Variants in NKAIN3 observed in about 807,000 individuals in gnomAD.
The protein encoded by NKAIN3 is sodium/potassium transporting ATPase interacting 3.
In NKAIN3, 25 loss-of-function variants were observed where a neutral mutation model predicts 30.2. The ratio of observed to expected loss-of-function variants is 0.83; its 90% CI spans 0.60 to 1.16. The LOEUF (loss-of-function observed/expected upper bound fraction) is 1.16, where lower values mean the gene tolerates loss of function less well. Among genes scored for constraint, NKAIN3 ranks in the 50% most tolerant of loss-of-function variants. NKAIN3 has a pLI of 0.00. For synonymous variants in NKAIN3, 91 were observed against 89.6 expected (o/e 1.02, Z -0.09); for missense variants, 225 against 254.1 (o/e 0.89, Z 0.78).
chr8:62,533,938 T>C (rs1193616773), intron 1 of NKAIN3, among the ~76,000 whole-genome samples: 1 of 152,162 alleles, frequency 6.6e-6, no homozygotes, highest in Non-Finnish European at 1.5e-5. Flanking sequence ...AACTGGAATA[T>C]GAGGGAGAAT....
At chr8:62,263,996 T>G (rs1223662256) in intron 1 of NKAIN3, among the ~76,000 whole-genome samples, 1 of 152,208 alleles carries the variant, frequency 6.6e-6, no homozygotes, top group Non-Finnish European at 1.5e-5. Context: ...TGCCTAAATA[T>G]AGGCTAATTG....
At chr8:62,874,753 A>C (rs937251211) in intron 4 of NKAIN3, among the ~76,000 whole-genome samples, 19 of 152,244 alleles carry the variant, frequency 1.2e-4, no homozygotes, top group South Asian at 2.1e-4. Context: ...AAGGCCTTTG[A>C]TAAAATTCAA....
At chr8:62,319,716 T>A (rs1182172378) in intron 1 of NKAIN3, among the ~76,000 whole-genome samples, 1 of 152,190 alleles carries the variant, frequency 6.6e-6, no homozygotes, top group Non-Finnish European at 1.5e-5. Flanking sequence ...ATAATTTCTG[T>A]TCTTTCACAT....
intron 3 of NKAIN3, among the ~76,000 whole-genome samples, chr8:62,654,601 A>G (rs1812714578): frequency 6.6e-6 from 1 of 152,202 alleles, no homozygotes; most frequent in Non-Finnish European, 1.5e-5. Context: ...CACAGTAGCT[A>G]GAGGACAATG....
chr8:62,863,428 T>G, intron 4 of NKAIN3: 1 of 1,553,264 alleles, frequency 6.4e-7, no homozygotes, highest in South Asian at 1.1e-5. Context: ...ATGAGTAATC[T>G]TGGTCTTACT....
At chr8:62,477,538 T>C (rs1310608249) in intron 1 of NKAIN3, among the ~76,000 whole-genome samples, 2 of 152,166 alleles carry the variant, frequency 1.3e-5, no homozygotes, top group Non-Finnish European at 1.5e-5. Flanking sequence ...TGGTTGCTTA[T>C]GGCCATTCCT....
chr8:62,913,225 C>G (rs1333486802), intron 4 of NKAIN3, among the ~76,000 whole-genome samples: 2 of 151,954 alleles, frequency 1.3e-5, no homozygotes, highest in African/African-American at 4.8e-5. Flanking sequence ...CCAGTAGCAT[C>G]ATTGTTTACT....
chr8:62,366,374 G>GTA (rs1563366863), intron 1 of NKAIN3, among the ~76,000 whole-genome samples: 4 of 151,816 alleles, frequency 2.6e-5, no homozygotes, highest in East Asian at 1.9e-4. Context: ...TTACAGGCAT[G>GTA]CACCACTGTA....
At chr8:62,613,836 T>C (rs947909712) in intron 3 of NKAIN3, among the ~76,000 whole-genome samples, 1 of 152,172 alleles carries the variant, frequency 6.6e-6, no homozygotes, top group African/African-American at 2.4e-5. Flanking sequence ...CAATTGCATT[T>C]TTCATCTCCA....
chr8:62,473,903 AT>A (rs1369330353), intron 1 of NKAIN3: 1 of 152,152 alleles, frequency 6.6e-6, no homozygotes, highest in African/African-American at 2.4e-5. Context: ...TAATATGTCT[AT>A]TTTGTGCAAT....
chr8:62,346,097 G>A (rs1815996785), intron 1 of NKAIN3, among the ~76,000 whole-genome samples: 1 of 151,916 alleles, frequency 6.6e-6, no homozygotes, highest in African/African-American at 2.4e-5. Context: ...GGTGGGGAGA[G>A]GTTAGTAAAC....
chr8:62,915,348 G>A (rs1241691428), intron 4 of NKAIN3, among the ~76,000 whole-genome samples: 3 of 152,176 alleles, frequency 2.0e-5, no homozygotes, highest in South Asian at 4.1e-4. Context: ...ATCCTTAACA[G>A]TAGGACAGGA....
At chr8:62,550,012 G>C (rs569300283) in intron 1 of NKAIN3, among the ~76,000 whole-genome samples, 4 of 150,638 alleles carry the variant, frequency 2.7e-5, no homozygotes, top group African/African-American at 9.8e-5. Flanking sequence ...AGTATGAATG[G>C]ATCCTATTAG....
chr8:62,803,940 T>C (rs368103483), intron 4 of NKAIN3, among the ~76,000 whole-genome samples: 1,644 of 152,168 alleles, frequency 0.011, 27 homozygotes, highest in African/African-American at 0.037. Flanking sequence ...ATATCACCAC[T>C]GATCCCACAG....
rs1823782121 is a variant in NKAIN3 at position 62,969,356 on chromosome 8, A to G, written c.*3949A>G. 6.6e-6 allele frequency among the ~76,000 whole-genome samples: 1 copy of G among 152,202 alleles called. No homozygotes were observed. The highest frequency in any genetic ancestry group is 6.5e-5 in the Admixed American group (1 of 15,274). On this transcript the variant is annotated 3_prime_UTR_variant, in exon 7 of 7. Coordinates refer to ENST00000623646, the MANE Select transcript of NKAIN3 (RefSeq NM_001304533.3). ...AGCTAAAATGTACATTGCAAATCTG[A>G]AGAAAACAATCATGACTCTGCTAAT...
intron 1 of NKAIN3, among the ~76,000 whole-genome samples, chr8:62,358,186 G>T (rs1057032490): frequency 2.7e-5 from 4 of 146,660 alleles, no homozygotes; most frequent in African/African-American, 7.4e-5. Context: ...GTTTTACCAA[G>T]AAGTACTTAC....
chr8:62,363,415 C>A (rs1306172375), intron 1 of NKAIN3, among the ~76,000 whole-genome samples: 2 of 152,102 alleles, frequency 1.3e-5, no homozygotes, highest in South Asian at 4.1e-4. Context: ...CAGTAGGTAG[C>A]TACCTAACAA....
intron 1 of NKAIN3, among the ~76,000 whole-genome samples, chr8:62,382,088 C>G (rs1817297011): frequency 6.6e-6 from 1 of 152,010 alleles, no homozygotes; most frequent in African/African-American, 2.4e-5. Flanking sequence ...GTTGAAAATC[C>G]AAGTATAAAT....
At chr8:62,443,321 G>A (rs1805387299) in intron 1 of NKAIN3, among the ~76,000 whole-genome samples, 2 of 151,664 alleles carry the variant, frequency 1.3e-5, no homozygotes, top group Non-Finnish European at 2.9e-5. Context: ...ATTATATATT[G>A]TCCTTCATTG....
Sources: allele counts gnomAD v4.1 joint callset (sites outside exome capture counted in the v4.1 genomes callset), GRCh38; gene constraint gnomAD v4.1.1; transcripts MANE v1.5; gene names NCBI Gene and HGNC (gene_info 2026-07-23, HGNC 2026-07-21).